BCKDHB: variants seen among roughly 807,000 people sequenced by gnomAD.
BCKDHB encodes the protein branched chain keto acid dehydrogenase E1 subunit beta, also known as 2-oxoisovalerate dehydrogenase subunit beta, mitochondrial.
A neutral mutation model predicts 48.5 loss-of-function variants in BCKDHB; 41 were observed. That is an observed-to-expected ratio of 0.85 (90% CI 0.66 to 1.10). BCKDHB has a LOEUF of 1.10. Among genes scored for constraint, BCKDHB ranks in the 50% least tolerant of loss-of-function variants. BCKDHB has a pLI of 0.00. For synonymous variants in BCKDHB, 201 were observed against 174.8 expected (o/e 1.15, Z -1.18); for missense variants, 496 against 494.2 (o/e 1.00, Z -0.03).
intron 3 of BCKDHB, among the ~76,000 whole-genome samples, chr6:80,142,340 A>T (rs1771262333): frequency 6.6e-6 from 1 of 152,144 alleles, no homozygotes; most frequent in Admixed American, 6.6e-5. Flanking sequence ...TATGAGTTAT[A>T]AATACTGTCT....
chr6:80,358,992 A>G, the BCKDHB span, among the ~76,000 whole-genome samples: 2 of 152,190 alleles, frequency 1.3e-5, no homozygotes, highest in African/African-American at 4.8e-5. Flanking sequence ...AGAGGGCCCC[A>G]ACATTGTTAG....
the BCKDHB span, chr6:80,466,000 G>C: frequency 6.6e-6 from 1 of 152,182 alleles, no homozygotes; most frequent in East Asian, 1.9e-4. Context: ...CATCAAAGGA[G>C]AGTTTTAAAA....
At chr6:80,238,148 A>T (rs1776222081) in intron 8 of BCKDHB, among the ~76,000 whole-genome samples, 1 of 152,060 alleles carries the variant, frequency 6.6e-6, no homozygotes, top group Non-Finnish European at 1.5e-5. Flanking sequence ...CCCAGGCTGG[A>T]GTTCAGTGGC....
intron 8 of BCKDHB, among the ~76,000 whole-genome samples, chr6:80,250,750 A>G (rs1696947547): frequency 6.6e-6 from 1 of 152,138 alleles, no homozygotes; most frequent in South Asian, 2.1e-4. Context: ...CCATCTTATA[A>G]GAGTCCATGG....
At chr6:80,342,983 A>G (rs114352988) in intron 9 of BCKDHB, among the ~76,000 whole-genome samples, 1,988 of 152,206 alleles carry the variant, frequency 0.013, 34 homozygotes, top group African/African-American at 0.046. Flanking sequence ...GTGCTTTGGG[A>G]GCTCAGAGCA....
At chr6:80,362,486 G>C in the BCKDHB span, among the ~76,000 whole-genome samples, 16 of 152,108 alleles carry the variant, frequency 1.1e-4, no homozygotes, top group Non-Finnish European at 1.9e-4. Context: ...AAGCCACCCA[G>C]AGTGTCTTTT....
At chr6:80,381,220 C>T in the BCKDHB span, among the ~76,000 whole-genome samples, 2 of 151,832 alleles carry the variant, frequency 1.3e-5, no homozygotes, top group Non-Finnish European at 2.9e-5. Flanking sequence ...CAAAGGTATA[C>T]CGTCCTATAC....
At chr6:80,162,918 TTC>T (rs200099640) in intron 3 of BCKDHB, among the ~76,000 whole-genome samples, 2 of 151,236 alleles carry the variant, frequency 1.3e-5, no homozygotes, top group Non-Finnish European at 2.9e-5. Flanking sequence ...TTCTCTTCTC[TTC>T]TCTCTCTCTC....
At chr6:80,217,335 A>G (rs1175387755) in intron 8 of BCKDHB, among the ~76,000 whole-genome samples, 1 of 151,914 alleles carries the variant, frequency 6.6e-6, no homozygotes, top group South Asian at 2.1e-4. Context: ...CTGTGCTTTC[A>G]TTTTTTTCTT....
rs190719983 is a variant in BCKDHB at position 80,111,613 on chromosome 6, A to G, written c.196+4724A>G. Among the ~76,000 whole-genome samples, 19 of 152,348 alleles carry G rather than the reference A, an allele frequency of 1.2e-4. 1 individual carries two copies. The East Asian group carries it at 2.7e-3, about 22-fold the overall frequency. Reference sequence around the variant, plus strand: ...CTCCATCAATTCCTGCAGGCCTGAAATAGGTAGCCTAGGAATTCCAAATAA... The same window carrying G: ...CTCCATCAATTCCTGCAGGCCTGAAGTAGGTAGCCTAGGAATTCCAAATAA... On this transcript the variant is annotated intron_variant, in intron 1 of 9. Coordinates refer to ENST00000320393, the MANE Select transcript of BCKDHB (RefSeq NM_183050.4).
intron 3 of BCKDHB, among the ~76,000 whole-genome samples, chr6:80,149,563 G>C (rs898942172): frequency 6.6e-6 from 1 of 151,426 alleles, no homozygotes; most frequent in African/African-American, 2.4e-5. Context: ...CAATAGCAAA[G>C]ACTTGGAACC....
At chr6:80,419,670 AGG>A in the BCKDHB span, among the ~76,000 whole-genome samples, 2 of 152,254 alleles carry the variant, frequency 1.3e-5, no homozygotes, top group African/African-American at 4.8e-5. Context: ...GTGGTGTTTG[AGG>A]GGTCTCTTCC....
At chr6:80,113,335 A>G (rs1298985578) in intron 1 of BCKDHB, among the ~76,000 whole-genome samples, 1 of 152,190 alleles carries the variant, frequency 6.6e-6, no homozygotes, top group African/African-American at 2.4e-5. Flanking sequence ...GTTGCCCACA[A>G]TTATCAGGGA....
At chr6:80,166,258 A>G (rs984332992) in intron 3 of BCKDHB, among the ~76,000 whole-genome samples, 3 of 152,176 alleles carry the variant, frequency 2.0e-5, no homozygotes, top group Non-Finnish European at 2.9e-5. Context: ...AACCTCAATA[A>G]GATATTTTGT....
the BCKDHB span, among the ~76,000 whole-genome samples, chr6:80,381,760 G>A: frequency 6.6e-6 from 1 of 151,938 alleles, no homozygotes; most frequent in Non-Finnish European, 1.5e-5. Context: ...TATTTCACAG[G>A]GATGCAAACT....
At chr6:80,295,564 C>T (rs1050017486) in intron 9 of BCKDHB, among the ~76,000 whole-genome samples, 2 of 148,266 alleles carry the variant, frequency 1.3e-5, no homozygotes, top group African/African-American at 5.0e-5. Context: ...AGTGGTGACA[C>T]AGCCAAATCG....
chr6:80,457,493 C>G, the BCKDHB span, among the ~76,000 whole-genome samples: 1 of 152,178 alleles, frequency 6.6e-6, no homozygotes, highest in Non-Finnish European at 1.5e-5. Context: ...CACACACTCC[C>G]TCCTGTCTGT....
the BCKDHB span, among the ~76,000 whole-genome samples, chr6:80,397,409 ATG>A: frequency 6.6e-6 from 1 of 152,002 alleles, no homozygotes; most frequent in East Asian, 1.9e-4. Flanking sequence ...GTGTGTGTGT[ATG>A]TGTGTGTGTT....
At chr6:80,256,045 TTGAGAAAC>T (rs1777036470) in intron 8 of BCKDHB, among the ~76,000 whole-genome samples, 1 of 152,208 alleles carries the variant, frequency 6.6e-6, no homozygotes, top group Non-Finnish European at 1.5e-5. Flanking sequence ...TGTCTCTGAA[TTGAGAAAC>T]TGTTCATTTC....
Sources: gnomAD v4.1 joint callset for allele counts (sites outside exome capture counted in the v4.1 genomes callset) on GRCh38, gnomAD v4.1.1 for gene constraint, MANE v1.5 for transcripts, NCBI Gene and HGNC (gene_info 2026-07-23, HGNC 2026-07-21) for gene names.